Variants in DNAI4 observed in about 807,000 individuals in gnomAD.
DNAI4 encodes the protein WD repeat domain 78.
In DNAI4, 85 loss-of-function variants were observed where a neutral mutation model predicts 105.8. That is an observed-to-expected ratio of 0.80 (90% CI 0.67 to 0.96). The LOEUF is 0.96. Ranked by LOEUF, DNAI4 falls within the 40% of genes least tolerant of loss-of-function variation. The probability of loss-of-function intolerance (pLI) is 0.00; values close to 1 mark genes in which losing one functional copy is unlikely to be tolerated. For missense variants in DNAI4, 1,014 were observed against 1,005.6 expected, an observed-to-expected ratio of 1.01 and a Z score of -0.11; for synonymous variants, 352 against 331.5, an observed-to-expected ratio of 1.06 and a Z score of -0.67.
At position 66,845,190 on chromosome 1, in the gene DNAI4, CAAAAA is replaced by C. The variant is rs59265844; in HGVS notation, c.1291+2289_1291+2293del. The stretch of plus-strand genomic sequence containing the variant: ...TGGGTGACAGAGCGAAACTCCATCT[CAAAAA>C]AAAAAAAAAAAAAAGAAAAATTAAA... On this transcript the variant is annotated intron_variant, in intron 8 of 16. Transcript: ENST00000371026. Among the ~76,000 whole-genome samples the C allele has an allele frequency of 1.7e-4, 18 of 106,318 alleles. No homozygotes were observed. In the South Asian group the frequency reaches 6.6e-3, roughly 39 times the overall value. 69.7% of individuals were successfully genotyped at this position (106,318 alleles called of 152,430 possible). A position where few individuals can be genotyped will look rare whatever the true frequency, so the allele number is the denominator to read the frequency against.
At chr1:66,892,990 A>AG (rs1481746698) in intron 3 of DNAI4, among the ~76,000 whole-genome samples, 9 of 115,518 alleles carry the variant, frequency 7.8e-5, no homozygotes, top group African/African-American at 3.4e-4. Context: ...AGAAAGAAAG[A>AG]AAGAAAGAGA....
At chr1:66,910,777 C>G (rs1289738097) in intron 1 of DNAI4, among the ~76,000 whole-genome samples, 1 of 152,216 alleles carries the variant, frequency 6.6e-6, no homozygotes, top group Non-Finnish European at 1.5e-5. Context: ...CCCTTGGAAT[C>G]TAAGTTCCAT....
chr1:66,909,223 GTTTCC>G (rs1649475174), intron 1 of DNAI4, among the ~76,000 whole-genome samples: 1 of 150,064 alleles, frequency 6.7e-6, no homozygotes, highest in African/African-American at 2.5e-5. Context: ...AGTCATTCAT[GTTTCC>G]TTTAATTACA....
intron 2 of DNAI4, among the ~76,000 whole-genome samples, chr1:66,897,184 A>G (rs927630802): frequency 2.0e-5 from 3 of 152,232 alleles, no homozygotes; most frequent in Admixed American, 2.0e-4. Context: ...TCTTTGTTAT[A>G]AAGTAGTAAA....
rs1498351 is a variant in DNAI4 at position 66,872,315 on chromosome 1, G to A, written c.801-806C>T. On this transcript the variant is annotated intron_variant, in intron 5 of 16. Transcript: ENST00000371026. Reference sequence around the variant, plus strand: ...GTGACCTCAGCTCACTGCAACCTCCGCCTCTCAGGTTCAAGTGATTCTCCT... The same window carrying A: ...GTGACCTCAGCTCACTGCAACCTCCACCTCTCAGGTTCAAGTGATTCTCCT... Among the ~76,000 whole-genome samples the A allele has an allele frequency of 8.2e-3, 1,239 of 151,920 alleles. 15 individuals carry two copies. Among genetic ancestry groups the A allele is most frequent in the African/African-American group, 0.029 (1,188 of 41,430 alleles).
intron 15 of DNAI4, among the ~76,000 whole-genome samples, chr1:66,826,478 G>T (rs1344493292): frequency 1.3e-5 from 2 of 151,976 alleles, no homozygotes; most frequent in Non-Finnish European, 2.9e-5. Flanking sequence ...TTTGTATTTT[G>T]GTAGAGATGG....
intron 6 of DNAI4, among the ~76,000 whole-genome samples, chr1:66,866,226 G>A (rs1054540753): frequency 6.6e-6 from 1 of 151,656 alleles, no homozygotes; most frequent in Admixed American, 6.6e-5. Context: ...AGAATCACTC[G>A]AATCCAGGAG....
Position 66,862,177 on chromosome 1 carries a change from G to T in DNAI4, c.1066C>A (p.Gln356Lys). The change falls in exon 7 of 17, where the codon CAA becomes AAA. Residue 356 changes from glutamine to lysine, a missense_variant. By Grantham distance (53) the Gln-to-Lys change is moderately conservative. Coordinates refer to ENST00000371026, the MANE Select transcript of DNAI4 (RefSeq NM_024763.5). Reference sequence around the variant, plus strand: ...TCTGTAGTGCTCCCTGGCAATCTTTGGTCCTGATCTTTAGGAAGTACATTT... The same window carrying T: ...TCTGTAGTGCTCCCTGGCAATCTTTTGTCCTGATCTTTAGGAAGTACATTT... ...KANVLPKDQD[Q>K]RLPGSTTEKN... The T allele has an allele frequency of 6.3e-7, 1 of 1,592,986 alleles. No individual in the cohort carries two copies. The highest frequency in any genetic ancestry group is 8.5e-7 in the Non-Finnish European group (1 of 1,173,090).
In DNAI4 at chr1:66,816,727, T is replaced by TCACA. The variant is rs57920483; in HGVS notation, c.2497-2551_2497-2548dup. ...AAAATTATTCTTACCAGCCTTGAAATCACACACACACACACACACACACAC... is the reference window on the plus strand; with the variant it reads ...AAAATTATTCTTACCAGCCTTGAAATCACACACACACACACACACACACACACAC... On this transcript the variant is annotated intron_variant, in intron 16 of 16. Transcript: ENST00000371026. Among the ~76,000 whole-genome samples, 940 of 137,740 alleles carry TCACA rather than the reference T, an allele frequency of 6.8e-3. 25 individuals are homozygous for TCACA. The highest frequency in any genetic ancestry group is 0.05 in the Admixed American group (680 of 13,488). 90.4% of individuals were successfully genotyped at this position (137,740 alleles called of 152,430 possible). A position where few individuals can be genotyped will look rare whatever the true frequency, so the allele number is the denominator to read the frequency against.
intron 8 of DNAI4, among the ~76,000 whole-genome samples, chr1:66,846,781 T>A (rs1330575650): frequency 6.6e-6 from 1 of 152,212 alleles, no homozygotes; most frequent in Non-Finnish European, 1.5e-5. Flanking sequence ...TGCCTAGCTT[T>A]TCCACTTACT....
At position 66,891,224 on chromosome 1, in the gene DNAI4, T is replaced by A; in HGVS notation, c.573A>T (p.Ser191=). ...GGTCTTCTGCTATTGATTCACTTGC[T>A]GATACACTTGACTTAGAAACTGTAC... The part of the protein sequence containing the change: ...GSSTVSKSSV[S]ASESIAEDLE... The change falls in exon 4 of 17, where the codon TCA becomes TCT. Residue 191 remains serine, a synonymous_variant. Transcript: ENST00000371026. The A allele has an allele frequency of 6.2e-7, 1 of 1,613,922 alleles. No homozygotes were observed. The highest frequency in any genetic ancestry group is 1.3e-5 in the African/African-American group (1 of 75,062).
rs1399872193 is a variant in DNAI4 at position 66,826,976 on chromosome 1, C to A, written c.2183G>T (p.Gly728Val). The change falls in exon 15 of 17, where the codon GGT becomes GTT. Residue 728 changes from glycine to valine, a missense_variant. Physicochemically the swap from Gly to Val is moderately radical, Grantham distance 109. Coordinates refer to ENST00000371026, the MANE Select transcript of DNAI4 (RefSeq NM_024763.5). ...DVFLSCSADW[G>V]VIIWQQENVK... ...ATTCTCCTGTTGCCATATAATAACA[C>A]CCCAATCTGCAGAACAGCTTAAAAA... 5 of 1,614,058 alleles carry A rather than the reference C, an allele frequency of 3.1e-6. No individual in the cohort carries two copies. The East Asian group carries it at 1.1e-4, about 36-fold the overall frequency.
chr1:66,916,623 T>C (rs1462229261), intron 1 of DNAI4, among the ~76,000 whole-genome samples: 1 of 152,142 alleles, frequency 6.6e-6, no homozygotes, highest in African/African-American at 2.4e-5. Context: ...AGTTTCTCTA[T>C]AATCATTACT....
chr1:66,852,002 T>A (rs1033235590), intron 7 of DNAI4, among the ~76,000 whole-genome samples: 1 of 151,862 alleles, frequency 6.6e-6, no homozygotes, highest in East Asian at 1.9e-4. Flanking sequence ...AAATTGACAA[T>A]CTTCCAGCAG....
At chr1:66,898,167 A>T (rs1296121306) in intron 2 of DNAI4, among the ~76,000 whole-genome samples, 2 of 152,112 alleles carry the variant, frequency 1.3e-5, no homozygotes, top group Non-Finnish European at 2.9e-5. Flanking sequence ...TTTCTGGCCT[A>T]TTCTCCCTTT....
At position 66,837,790 on chromosome 1, in the gene DNAI4, A is replaced by G. The variant is rs1646061647; in HGVS notation, c.1501T>C (p.Leu501=). ...LAWNKTNPDL[L]AVGYGHFGFK... ...CCAAAGTGCCCATAGCCAACAGCCA[A>G]AAGATCCTGAAAACCAGAAAAATAC... The change falls in exon 10 of 17, where the codon TTG becomes CTG. Residue 501 remains leucine, a synonymous_variant. Coordinates refer to ENST00000371026, the MANE Select transcript of DNAI4 (RefSeq NM_024763.5). 2 of 1,598,360 alleles carry G rather than the reference A, an allele frequency of 1.3e-6. No individual in the cohort carries two copies. The highest frequency in any genetic ancestry group is 1.7e-6 in the Non-Finnish European group (2 of 1,175,902).
At chr1:66,876,958 T>A (rs1646971719) in intron 4 of DNAI4, among the ~76,000 whole-genome samples, 1 of 152,162 alleles carries the variant, frequency 6.6e-6, no homozygotes, top group Middle Eastern at 3.2e-3. Flanking sequence ...CTTTCGTGAA[T>A]GGGTGGGTAA....
chr1:66,849,318 G>A (rs1646345270), intron 7 of DNAI4, among the ~76,000 whole-genome samples: 1 of 152,100 alleles, frequency 6.6e-6, no homozygotes, highest in African/African-American at 2.4e-5. Context: ...CCATGGTAAT[G>A]AAGACACAAC....
chr1:66,867,858 T>C (rs1043338771), intron 6 of DNAI4, among the ~76,000 whole-genome samples: 4 of 152,226 alleles, frequency 2.6e-5, no homozygotes, highest in Admixed American at 2.6e-4. Flanking sequence ...GTTACTGTGA[T>C]AAGTGACACT....
Sources: gnomAD v4.1 joint callset for allele counts (sites outside exome capture counted in the v4.1 genomes callset) on GRCh38, gnomAD v4.1.1 for gene constraint, MANE v1.5 for transcripts, NCBI Gene and HGNC (gene_info 2026-07-23, HGNC 2026-07-21) for gene names.